Variants in QSOX1 observed in about 807,000 individuals in gnomAD.
The protein encoded by QSOX1 is quiescin sulfhydryl oxidase 1.
QSOX1 carries 40 observed loss-of-function variants against 76.1 expected under a neutral mutation model. That is an observed-to-expected ratio of 0.53 (90% confidence interval 0.41 to 0.68). QSOX1 has a LOEUF of 0.68. Among genes scored for constraint, QSOX1 ranks in the 30% least tolerant of loss-of-function variants. The pLI, the probability that QSOX1 is intolerant of heterozygous loss-of-function variation, is 0.00. For synonymous variants in QSOX1, 392 were observed against 413.1 expected (o/e 0.95, Z 0.62); for missense variants, 931 against 974.3 (o/e 0.96, Z 0.59).
At position 180,197,173 on chromosome 1, in the gene QSOX1, C is replaced by G. The variant is rs1285072123; in HGVS notation, c.*136C>G. 40 of 1,506,040 alleles carry G rather than the reference C, an allele frequency of 2.7e-5. No homozygotes were observed. Among genetic ancestry groups the G allele is most frequent in the Non-Finnish European group, 3.0e-5 (34 of 1,129,772 alleles). 93.3% of individuals were successfully genotyped at this position (1,506,040 alleles called of 1,614,324 possible). A position where few individuals can be genotyped will look rare whatever the true frequency, so the allele number is the denominator to read the frequency against. On this transcript the variant is annotated 3_prime_UTR_variant, in exon 12 of 12. Coordinates refer to ENST00000367602, the MANE Select transcript of QSOX1 (RefSeq NM_002826.5). ...GGGAAATTCAGGAAAACGAGTTGCT[C>G]CAGTGAAGCTTCTTGGGGTTGCTAG...
chr1:180,161,042 C>T (rs1662483273), intron 1 of QSOX1, among the ~76,000 whole-genome samples: 1 of 152,068 alleles, frequency 6.6e-6, no homozygotes, highest in African/African-American at 2.4e-5. Flanking sequence ...TATTTTTTCT[C>T]TCTATAGTCA....
chr1:180,173,578 C>T (rs1662810946), intron 2 of QSOX1, among the ~76,000 whole-genome samples: 1 of 152,014 alleles, frequency 6.6e-6, no homozygotes, highest in African/African-American at 2.4e-5. Context: ...CGGGGGAGGT[C>T]ACAGGGAGCA....
chr1:180,185,673 A>G (rs1030430286), intron 7 of QSOX1, among the ~76,000 whole-genome samples: 4 of 152,094 alleles, frequency 2.6e-5, no homozygotes, highest in East Asian at 3.8e-4. Context: ...GATTATGTCT[A>G]GTGGTCTTGG....
intron 8 of QSOX1, among the ~76,000 whole-genome samples, chr1:180,188,887 T>C (rs1161184909): frequency 2.0e-5 from 3 of 152,174 alleles, no homozygotes; most frequent in African/African-American, 4.8e-5. Flanking sequence ...CACACACACA[T>C]ACACACATAT....
Position 180,176,063 on chromosome 1 carries a change from T to C in QSOX1, c.515+30T>C, listed in dbSNP as rs376263880. 1.1e-5 allele frequency: 17 copies of C among 1,530,670 alleles called. No individual in the cohort carries two copies. In the African/African-American group the frequency reaches 1.6e-4, roughly 15 times the overall value. The allele number at this position is 1,530,670 out of a possible 1,614,324, so 94.8% of individuals were successfully genotyped here. ...TTTGGGCTGGGGCAGGCTTAGTGCATTGTGGGCCAGGATCCCAGGCCTGGG... is the reference window on the plus strand; with the variant it reads ...TTTGGGCTGGGGCAGGCTTAGTGCACTGTGGGCCAGGATCCCAGGCCTGGG... On this transcript the variant is annotated intron_variant, in intron 4 of 11. Transcript: ENST00000367602.
At position 180,203,640 on chromosome 1, in the gene QSOX1, T is replaced by G. The variant is rs901113024; in HGVS notation, c.*6603T>G. Reference sequence around the variant, plus strand: ...AGGAGGCCACTGATTTGGCCTAGGCTCCTATGATGTAACCAACAGACCAAA... The same window carrying G: ...AGGAGGCCACTGATTTGGCCTAGGCGCCTATGATGTAACCAACAGACCAAA... On this transcript the variant is annotated 3_prime_UTR_variant, in exon 12 of 12. Transcript: ENST00000367602. 1 of 152,236 alleles carries G rather than the reference T, an allele frequency of 6.6e-6. No individual in the cohort carries two copies. The highest frequency in any genetic ancestry group is 2.1e-4 in the South Asian group (1 of 4,830). The allele number at this position is 152,236 out of a possible 1,614,324, so 9.4% of individuals were successfully genotyped here. A position where few individuals can be genotyped will look rare whatever the true frequency, so the allele number is the denominator to read the frequency against.
chr1:180,201,581 A>G lies in QSOX1; in HGVS notation c.*4544A>G, dbSNP rs1380010503. ...CTTCAAGAGGAGCAATTTAATCTTC[A>G]TACCTGACTCCTTGTCCCTCCTCAG... On this transcript the variant is annotated 3_prime_UTR_variant, in exon 12 of 12. Transcript: ENST00000367602. 6.6e-6 allele frequency: 1 copy of G among 152,296 alleles called. No individual in the cohort carries two copies. Among genetic ancestry groups the G allele is most frequent in the Non-Finnish European group, 1.5e-5 (1 of 68,114 alleles). 9.4% of individuals were successfully genotyped at this position (152,296 alleles called of 1,614,324 possible). A position where few individuals can be genotyped will look rare whatever the true frequency, so the allele number is the denominator to read the frequency against.
chr1:180,168,269 G>A (rs1416409785), intron 2 of QSOX1, among the ~76,000 whole-genome samples: 2 of 152,256 alleles, frequency 1.3e-5, no homozygotes, highest in Admixed American at 6.5e-5. Context: ...GGCTGTGGGA[G>A]GGGCACTGGG....
chr1:180,179,626 T>C (rs999830528), intron 5 of QSOX1, among the ~76,000 whole-genome samples: 9 of 152,222 alleles, frequency 5.9e-5, no homozygotes, highest in African/African-American at 2.2e-4. Context: ...CATAGACCAG[T>C]TGTGAGCTTT....
intron 5 of QSOX1, among the ~76,000 whole-genome samples, chr1:180,179,279 G>C (rs1441668198): frequency 6.6e-6 from 1 of 152,222 alleles, no homozygotes; most frequent in Non-Finnish European, 1.5e-5. Context: ...TGTTTCCACA[G>C]TGTCCCACTC....
intron 10 of QSOX1, among the ~76,000 whole-genome samples, chr1:180,191,363 A>AG (rs1161067446): frequency 6.6e-6 from 1 of 152,174 alleles, no homozygotes; most frequent in Non-Finnish European, 1.5e-5. Flanking sequence ...GCCATTGGGA[A>AG]GGGGCCCGAG....
At chr1:180,193,463 C>T (rs940012377) in intron 10 of QSOX1, among the ~76,000 whole-genome samples, 8 of 151,680 alleles carry the variant, frequency 5.3e-5, no homozygotes, top group East Asian at 1.9e-4. Context: ...CGTCCTGCTG[C>T]GTGGAGGGGT....
intron 5 of QSOX1, among the ~76,000 whole-genome samples, chr1:180,179,640 C>T (rs1291073223): frequency 6.6e-6 from 1 of 152,254 alleles, no homozygotes; most frequent in Non-Finnish European, 1.5e-5. Flanking sequence ...GAGCTTTTCC[C>T]AGCTGCAAAG....
intron 3 of QSOX1, 46 bp from the exon 4 acceptor site, chr1:180,175,885 A>T (rs1444814536): frequency 6.9e-7 from 1 of 1,459,048 alleles, no homozygotes; most frequent in Non-Finnish European, 9.4e-7. Flanking sequence ...CTGTGGAAGC[A>T]GCTCTGCTCT....
intron 11 of QSOX1, among the ~76,000 whole-genome samples, chr1:180,195,052 T>A (rs1663434714): frequency 6.6e-6 from 1 of 150,916 alleles, no homozygotes; most frequent in African/African-American, 2.5e-5. Flanking sequence ...GAGCAGGTGG[T>A]GGTGCAGGCG....
rs1330518331 is a variant in QSOX1, at chr1:180,168,161, G to A, written c.366+1570G>A. On this transcript the variant is annotated intron_variant, in intron 2 of 11. Transcript: ENST00000367602. Reference sequence around the variant, plus strand: ...AGCAGGGATGAAGGAGGCGGCCTAGGCCCAGGAGGTCAGAGGCTCCTCAGC... The same window carrying A: ...AGCAGGGATGAAGGAGGCGGCCTAGACCCAGGAGGTCAGAGGCTCCTCAGC... Among the ~76,000 whole-genome samples, 3 of 152,254 alleles carry A rather than the reference G, an allele frequency of 2.0e-5. No individual in the cohort carries two copies. The East Asian group carries it at 5.8e-4, about 29-fold the overall frequency.
At chr1:180,178,355 T>C (rs1662948078) in intron 4 of QSOX1, among the ~76,000 whole-genome samples, 4 of 152,220 alleles carry the variant, frequency 2.6e-5, no homozygotes, top group Admixed American at 2.6e-4. Flanking sequence ...TTCTCCTGCC[T>C]CAGCTGGGAT....
chr1:180,155,201 G>T (rs886218309), intron 1 of QSOX1, 29 bp downstream of exon 1: 2 of 1,447,088 alleles, frequency 1.4e-6, no homozygotes, highest in African/African-American at 1.5e-5. Context: ...CCGCTCCCCC[G>T]TGCCCCGCCG....
intron 1 of QSOX1, among the ~76,000 whole-genome samples, chr1:180,159,454 T>G (rs1369406757): frequency 6.6e-6 from 1 of 152,172 alleles, no homozygotes; most frequent in Non-Finnish European, 1.5e-5. Flanking sequence ...AAAGACAAAA[T>G]TACACCACAT....
Sources: gnomAD v4.1 joint callset for allele counts (sites outside exome capture counted in the v4.1 genomes callset) on GRCh38, gnomAD v4.1.1 for gene constraint, MANE v1.5 for transcripts, NCBI Gene and HGNC (gene_info 2026-07-23, HGNC 2026-07-21) for gene names.